The following OR2B11 variants were observed in gnomAD, a reference collection of about 807,000 sequenced individuals.
OR2B11 encodes olfactory receptor 2B11.
For synonymous variants in OR2B11, 198 were observed against 174.5 expected (o/e 1.13, Z -1.06); for missense variants, 422 against 400.0 (o/e 1.05, Z -0.47).
rs77705930 is a variant in OR2B11, at chr1:247,456,622, T to A, written c.-3083+1017A>T. On this transcript the variant is annotated intron_variant, in intron 1 of 1. Coordinates refer to ENST00000641149, the MANE Select transcript of OR2B11 (RefSeq NM_001004492.2). ...ATTACTTTTTTTTCTTTTTTTTTTT[T>A]AATTATAGTTTAAGTTCTGGGATAC... Among the ~76,000 whole-genome samples, 143 of 149,450 alleles carry A rather than the reference T, an allele frequency of 9.6e-4. 1 individual carries two copies. The highest frequency in any genetic ancestry group is 2.5e-3 in the South Asian group (12 of 4,788).
rs1219656879 is a variant in OR2B11, at chr1:247,451,928, G to A, written c.55C>T (p.Leu19=). The A allele has an allele frequency of 1.2e-6, 2 of 1,610,708 alleles. No individual in the cohort carries two copies. The highest frequency in any genetic ancestry group is 1.1e-5 in the South Asian group (1 of 90,778). ...LGDSPKAFIL[L]GVSDRPWLEL... is the part of the protein sequence containing the mutation. The stretch of plus-strand genomic sequence containing the variant: ...AGCCACGGCCTGTCAGACACACCCA[G>A]AAGGATGAAGGCTTTAGGGGAGTCC... Residue 19 remains leucine, a synonymous_variant, in exon 2 of 2, where the codon CTG becomes TTG. Transcript: ENST00000641149.
In OR2B11 at chr1:247,449,207, G is replaced by A. The variant is rs2103263820; in HGVS notation, c.*1822C>T. The A allele has an allele frequency of 6.6e-6, 1 of 152,440 alleles. No homozygotes were observed. Among genetic ancestry groups the A allele is most frequent in the South Asian group, 2.1e-4 (1 of 4,832 alleles). 9.4% of individuals were successfully genotyped at this position (152,440 alleles called of 1,614,324 possible). A position where few individuals can be genotyped will look rare whatever the true frequency, so the allele number is the denominator to read the frequency against. ...AGTCACTTTGGCAAATGATTCCATT[G>A]TAGATAATTTTTAAAACGTTACCTC... is the stretch of plus-strand genomic sequence containing the variant. On this transcript the variant is annotated 3_prime_UTR_variant, in exon 2 of 2. Transcript: ENST00000641149.
rs775940388 is a variant in OR2B11 at position 247,451,538 on chromosome 1, C to T, written c.445G>A (p.Val149Met). Residue 149 changes from valine to methionine, a missense_variant, in exon 2 of 2, where the codon GTG (valine) becomes ATG (methionine). By Grantham distance (21) the Val-to-Met change is conservative. Transcript: ENST00000641149. Reference sequence around the variant, plus strand: ...AAGCCACTGAGCCAGGCCAGAGCCACGAGCTGCTGACAGAGAGCACGGTGC... The same window carrying T: ...AAGCCACTGAGCCAGGCCAGAGCCATGAGCTGCTGACAGAGAGCACGGTGC... The part of the protein sequence containing the change: ...LMHRALCQQL[V>M]ALAWLSGFGN... 3.2e-5 allele frequency: 52 copies of T among 1,614,072 alleles called. No homozygotes were observed. The Admixed American group carries it at 3.8e-4, about 12-fold the overall frequency.
At chr1:247,455,978 A>G (rs9988621) in intron 1 of OR2B11, among the ~76,000 whole-genome samples, 112,268 of 152,122 alleles carry the variant, frequency 0.74, 41,931 homozygotes, top group East Asian at 0.93. Flanking sequence ...ATTTTTCATA[A>G]CACTTTAATT....
rs1026556743 is a variant in OR2B11, at chr1:247,453,311, T to C, written c.-1329A>G. The C allele has an allele frequency of 3.3e-5, 5 of 152,200 alleles. No homozygotes were observed. Among genetic ancestry groups the C allele is most frequent in the Admixed American group, 3.3e-4 (5 of 15,272 alleles). The allele number at this position is 152,200 out of a possible 1,614,324, so 9.4% of individuals were successfully genotyped here. A position where few individuals can be genotyped will look rare whatever the true frequency, so the allele number is the denominator to read the frequency against. On this transcript the variant is annotated 5_prime_UTR_variant, in exon 2 of 2. Coordinates refer to ENST00000641149, the MANE Select transcript of OR2B11 (RefSeq NM_001004492.2). Reference sequence around the variant, plus strand: ...AACTCTACTGTTACTGGAAAACAACTCAAACTCCAGGGTTTCAATGGAGGA... The same window carrying C: ...AACTCTACTGTTACTGGAAAACAACCCAAACTCCAGGGTTTCAATGGAGGA...
Position 247,451,318 on chromosome 1 carries a change from T to C in OR2B11, c.665A>G (p.Tyr222Cys). The C allele has an allele frequency of 2.5e-6, 4 of 1,613,848 alleles. No individual in the cohort carries two copies. Among genetic ancestry groups the C allele is most frequent in the Non-Finnish European group, 3.4e-6 (4 of 1,179,964 alleles). Residue 222 changes from tyrosine (Y) to cysteine (C), a missense_variant, in exon 2 of 2, where the codon TAT (tyrosine) becomes TGT (cysteine). By Grantham distance (194) the Tyr-to-Cys change is radical. Coordinates refer to ENST00000641149, the MANE Select transcript of OR2B11 (RefSeq NM_001004492.2). ...GAGCACTGCCCGGGCAATAAAGCCA[T>C]AGGAGAGAAGGATGAGAGCCAGGGG... ...LVPLALILLS[Y>C]GFIARAVLRI...
chr1:247,452,877 C>T lies in OR2B11; in HGVS notation c.-895G>A, dbSNP rs1356035957. On this transcript the variant is annotated 5_prime_UTR_variant, in exon 2 of 2. Coordinates refer to ENST00000641149, the MANE Select transcript of OR2B11 (RefSeq NM_001004492.2). ...TTATCTGATGGCTTGAGTGACATTC[C>T]AATTTCCTGCACAATTTCTTTGCCG... 1 of 152,298 alleles carries T rather than the reference C, an allele frequency of 6.6e-6. No individual in the cohort carries two copies. Among genetic ancestry groups the T allele is most frequent in the African/African-American group, 2.4e-5 (1 of 41,562 alleles). 9.4% of individuals were successfully genotyped at this position (152,298 alleles called of 1,614,324 possible).
intron 1 of OR2B11, among the ~76,000 whole-genome samples, chr1:247,456,685 C>T (rs4925664): frequency 0.8 from 121,027 of 151,360 alleles, 51,831 homozygotes; most frequent in East Asian, 1. Context: ...CAGGTATACA[C>T]GTGCCATGGT....
Position 247,451,050 on chromosome 1 carries a change from C to A in OR2B11, c.933G>T (p.Arg311Ser). The change falls in exon 2 of 2, where the codon AGG becomes AGT. Residue 311 changes from arginine to serine, a missense_variant. Physicochemically the swap from Arg to Ser is moderately radical, Grantham distance 110. Transcript: ENST00000641149. ...MKGALRRLLA[R>S]IWRLCG Reference sequence around the variant, plus strand: ...CTCATCATCCACAGAGCCTCCAGATCCTGGCCAGAAGTCTCCTCAGAGCCC... The same window carrying A: ...CTCATCATCCACAGAGCCTCCAGATACTGGCCAGAAGTCTCCTCAGAGCCC... 2.0e-6 allele frequency: 3 copies of A among 1,500,240 alleles called. No individual in the cohort carries two copies. The highest frequency in any genetic ancestry group is 2.3e-5 in the Admixed American group (1 of 43,264). The allele number at this position is 1,500,240 out of a possible 1,614,324, so 92.9% of individuals were successfully genotyped here. A position where few individuals can be genotyped will look rare whatever the true frequency, so the allele number is the denominator to read the frequency against.
rs569352082 is a variant in OR2B11 at position 247,451,352 on chromosome 1, C to T, written c.631G>A (p.Val211Met). 3.8e-5 allele frequency: 62 copies of T among 1,614,152 alleles called. No homozygotes were observed. In the South Asian group the frequency reaches 4.4e-4, roughly 11 times the overall value. The part of the protein sequence containing the change: ...TILAVLVAFF[V>M]LVPLALILLS... ...AGGATGAGAGCCAGGGGCACCAACACGAAGAAGGCCACCAGCACAGCCAGT... is the reference window on the plus strand; with the variant it reads ...AGGATGAGAGCCAGGGGCACCAACATGAAGAAGGCCACCAGCACAGCCAGT... Residue 211 changes from valine to methionine, a missense_variant, in exon 2 of 2, where the codon GTG (valine) becomes ATG (methionine). Physicochemically the swap from Val to Met is conservative, Grantham distance 21. Transcript: ENST00000641149.
rs536337232 is a variant in OR2B11, at chr1:247,453,864, A to T, written c.-1882T>A. The stretch of plus-strand genomic sequence containing the variant: ...CCCCTAATTGACTGAGCGACTCGGG[A>T]GGACAGCTGGTCTACCTTAGTTACA... On this transcript the variant is annotated 5_prime_UTR_variant, in exon 2 of 2. Transcript: ENST00000641149. 5 of 152,364 alleles carry T rather than the reference A, an allele frequency of 3.3e-5. No homozygotes were observed. The East Asian group carries it at 9.6e-4, about 29-fold the overall frequency. The allele number at this position is 152,364 out of a possible 1,614,324, so 9.4% of individuals were successfully genotyped here.
In OR2B11 at chr1:247,457,731, G is replaced by A. The variant is rs6672995; in HGVS notation, c.-3175C>T. 22,735 of 152,180 alleles carry A rather than the reference G, an allele frequency of 0.15. 1,956 individuals are homozygous for A. The highest frequency in any genetic ancestry group is 0.19 in the Admixed American group (2,840 of 15,290). The allele number at this position is 152,180 out of a possible 1,614,324, so 9.4% of individuals were successfully genotyped here. On this transcript the variant is annotated 5_prime_UTR_variant, in exon 1 of 2. Transcript: ENST00000641149. ...GCCTTAGTCGCGGAGGGACATTTAA[G>A]GATGGACTTACTAGAAATGCTCTTC... is the stretch of plus-strand genomic sequence containing the variant.
Position 247,451,765 on chromosome 1 carries a change from A to G in OR2B11, c.218T>C (p.Leu73Pro), listed in dbSNP as rs1664853216. 2 of 1,614,102 alleles carry G rather than the reference A, an allele frequency of 1.2e-6. No homozygotes were observed. The highest frequency in any genetic ancestry group is 1.3e-5 in the African/African-American group (1 of 74,936). Residue 73 changes from leucine (L) to proline (P), a missense_variant, in exon 2 of 2, where the codon CTG becomes CCG. Physicochemically the swap from Leu to Pro is moderately conservative, Grantham distance 98. Transcript: ENST00000641149. The part of the protein sequence containing the change: ...MYIFLSHLSF[L>P]DLCYTTTTVP... ...TGTCGTGGTGGTGTAGCAGAGGTCC[A>G]GGAAGGACAGGTGACTGAGGAAGAT...
chr1:247,457,684 G>C lies in OR2B11; in HGVS notation c.-3128C>G, dbSNP rs1392554604. On this transcript the variant is annotated 5_prime_UTR_variant, in exon 1 of 2. Coordinates refer to ENST00000641149, the MANE Select transcript of OR2B11 (RefSeq NM_001004492.2). ...ACAGAAGACTTGCTTTAGGACTGAA[G>C]GCTATATTGCAGTCTGTGTTGGCCT... 1 of 152,208 alleles carries C rather than the reference G, an allele frequency of 6.6e-6. No homozygotes were observed. Among genetic ancestry groups the C allele is most frequent in the African/African-American group, 2.4e-5 (1 of 41,432 alleles). The allele number at this position is 152,208 out of a possible 1,614,324, so 9.4% of individuals were successfully genotyped here.
In OR2B11 at chr1:247,451,776, G is replaced by A. The variant is rs757114062; in HGVS notation, c.207C>T (p.His69=). ...TGTAGCAGAGGTCCAGGAAGGACAG[G>A]TGACTGAGGAAGATGTACATGGGGC... ...LHSPMYIFLS[H]LSFLDLCYTT... Residue 69 remains histidine, a synonymous_variant, in exon 2 of 2, where the codon CAC becomes CAT. Transcript: ENST00000641149. 40 of 1,614,242 alleles carry A rather than the reference G, an allele frequency of 2.5e-5. No homozygotes were observed. The South Asian group carries it at 3.5e-4, about 14-fold the overall frequency.
In OR2B11 at chr1:247,449,325, C is replaced by T. The variant is rs1159324361; in HGVS notation, c.*1704G>A. The T allele has an allele frequency of 6.6e-6, 1 of 150,946 alleles. No individual in the cohort carries two copies. Among genetic ancestry groups the T allele is most frequent in the Non-Finnish European group, 1.5e-5 (1 of 67,622 alleles). The allele number at this position is 150,946 out of a possible 1,614,324, so 9.4% of individuals were successfully genotyped here. ...GTTTGAGAGTATCAGAGCCTGCGCT[C>T]CTAACTAGAAGTATTATGTAGAAGA... On this transcript the variant is annotated 3_prime_UTR_variant, in exon 2 of 2. Coordinates refer to ENST00000641149, the MANE Select transcript of OR2B11 (RefSeq NM_001004492.2).
At position 247,450,954 on chromosome 1, in the gene OR2B11, G is replaced by A; in HGVS notation, c.*75C>T. 1 of 884,912 alleles carries A rather than the reference G, an allele frequency of 1.1e-6. No homozygotes were observed. The highest frequency in any genetic ancestry group is 1.6e-6 in the Non-Finnish European group (1 of 612,956). 54.8% of individuals were successfully genotyped at this position (884,912 alleles called of 1,614,324 possible). Reference sequence around the variant, plus strand: ...CTCTCTGGGTATTAACTCCTTAAGTGAAAGATGCTCTGAGTGCACAATAGA... The same window carrying A: ...CTCTCTGGGTATTAACTCCTTAAGTAAAAGATGCTCTGAGTGCACAATAGA... On this transcript the variant is annotated 3_prime_UTR_variant, in exon 2 of 2. Transcript: ENST00000641149.
intron 1 of OR2B11, among the ~76,000 whole-genome samples, chr1:247,456,017 A>T (rs1664958456): frequency 6.6e-6 from 1 of 152,188 alleles, no homozygotes; most frequent in Non-Finnish European, 1.5e-5. Flanking sequence ...CTTAGCATTG[A>T]GAGGAGAAGG....
At position 247,449,829 on chromosome 1, in the gene OR2B11, A is replaced by G. The variant is rs922068898; in HGVS notation, c.*1200T>C. 1.3e-5 allele frequency: 2 copies of G among 152,192 alleles called. No homozygotes were observed. Among genetic ancestry groups the G allele is most frequent in the Non-Finnish European group, 2.9e-5 (2 of 68,034 alleles). 9.4% of individuals were successfully genotyped at this position (152,192 alleles called of 1,614,324 possible). On this transcript the variant is annotated 3_prime_UTR_variant, in exon 2 of 2. Coordinates refer to ENST00000641149, the MANE Select transcript of OR2B11 (RefSeq NM_001004492.2). ...CCTGCTACAAACACTTTGATAACCT[A>G]TATAAATAATGTAATCAGAAACACA...
Sources: allele counts gnomAD v4.1 joint callset (sites outside exome capture counted in the v4.1 genomes callset), GRCh38; gene constraint gnomAD v4.1.1; transcripts MANE v1.5; gene names NCBI Gene and HGNC (gene_info 2026-07-23, HGNC 2026-07-21).